IGF1R: variants seen among roughly 807,000 people sequenced by gnomAD.
IGF1R encodes the protein insulin-like growth factor 1 receptor.
IGF1R carries 44 observed loss-of-function variants against 144.6 expected under a neutral mutation model. The ratio of observed to expected loss-of-function variants is 0.30; its 90% CI spans 0.24 to 0.39. The LOEUF (loss-of-function observed/expected upper bound fraction) is 0.39, where lower values mean the gene tolerates loss of function less well. Ranked by LOEUF, IGF1R falls within the 10% of genes least tolerant of loss-of-function variation. The probability of loss-of-function intolerance (pLI) is 1.00; values close to 1 mark genes in which losing one functional copy is unlikely to be tolerated. For missense variants in IGF1R, 1,355 were observed against 1,833.7 expected, an observed-to-expected ratio of 0.74 and a Z score of 4.77; for synonymous variants, 795 against 722.8, an observed-to-expected ratio of 1.10 and a Z score of -1.60.
intron 1 of IGF1R, among the ~76,000 whole-genome samples, chr15:98,690,511 C>A (rs551905944): frequency 6.6e-6 from 1 of 152,172 alleles, no homozygotes; most frequent in African/African-American, 2.4e-5. Context: ...TCTTAGCCAT[C>A]GTTTAAACAC....
chr15:98,876,465 C>T (rs976172990), intron 2 of IGF1R, among the ~76,000 whole-genome samples: 1 of 152,080 alleles, frequency 6.6e-6, no homozygotes, highest in Non-Finnish European at 1.5e-5. Flanking sequence ...GGGGTTTTAG[C>T]ACTTCTAATG....
chr15:98,928,689 C>T (rs1237837042), intron 13 of IGF1R, among the ~76,000 whole-genome samples: 1 of 152,152 alleles, frequency 6.6e-6, no homozygotes, highest in African/African-American at 2.4e-5. Context: ...GAATTGTTGC[C>T]ATATGTGAAG....
In IGF1R at chr15:98,961,791, A is replaced by G. The variant is rs916734581; in HGVS notation, c.*4349A>G. On this transcript the variant is annotated 3_prime_UTR_variant, in exon 21 of 21. Transcript: ENST00000650285. The stretch of plus-strand genomic sequence containing the variant: ...CCTTCGTGGGATGTCATGACGTTTG[A>G]CATACCTTTGGAACGAGCCTCCTCC... 8.6e-6 allele frequency: 2 copies of G among 233,260 alleles called. No individual in the cohort carries two copies. Among genetic ancestry groups the G allele is most frequent in the Admixed American group, 5.6e-5 (1 of 17,774 alleles). 14.4% of individuals were successfully genotyped at this position (233,260 alleles called of 1,614,324 possible).
intron 2 of IGF1R, among the ~76,000 whole-genome samples, chr15:98,845,871 T>G (rs2011309711): frequency 6.6e-6 from 1 of 152,186 alleles, no homozygotes; most frequent in South Asian, 2.1e-4. Context: ...GTGCCCTAAC[T>G]AAAATTTTTG....
chr15:98,749,647 G>T (rs1158317777), intron 2 of IGF1R, among the ~76,000 whole-genome samples: 1 of 152,202 alleles, frequency 6.6e-6, no homozygotes, highest in Admixed American at 6.5e-5. Flanking sequence ...TACCAGATGA[G>T]CTGACATTGT....
At chr15:98,695,959 G>A (rs1018285371) in intron 1 of IGF1R, among the ~76,000 whole-genome samples, 2 of 148,056 alleles carry the variant, frequency 1.4e-5, no homozygotes, top group African/African-American at 5.3e-5. Context: ...CCAGTTTTCA[G>A]GGTCTCTCCC....
At chr15:98,710,302 A>T (rs754609133) in intron 2 of IGF1R, among the ~76,000 whole-genome samples, 3 of 152,132 alleles carry the variant, frequency 2.0e-5, no homozygotes, top group Non-Finnish European at 4.4e-5. Context: ...CTTTCCGGGA[A>T]ATTGACTTCC....
chr15:98,677,083 C>T (rs1286194487), intron 1 of IGF1R, among the ~76,000 whole-genome samples: 3 of 151,964 alleles, frequency 2.0e-5, no homozygotes, highest in Non-Finnish European at 4.4e-5. Context: ...TACTGGTATG[C>T]GCCACCATGC....
chr15:98,753,100 T>G, intron 2 of IGF1R, among the ~76,000 whole-genome samples: 1 of 151,012 alleles, frequency 6.6e-6, no homozygotes, highest in South Asian at 2.1e-4. Context: ...CACACCTAAT[T>G]TGTTTGTGTA....
chr15:98,912,432 T>A (rs765864648), intron 7 of IGF1R, among the ~76,000 whole-genome samples: 2 of 152,238 alleles, frequency 1.3e-5, no homozygotes, highest in African/African-American at 2.4e-5. Context: ...CCCTTTTAGC[T>A]GATAAATATA....
intron 2 of IGF1R, among the ~76,000 whole-genome samples, chr15:98,851,332 C>A (rs912272001): frequency 2.0e-5 from 3 of 152,198 alleles, no homozygotes; most frequent in African/African-American, 7.2e-5. Context: ...AGTTTGCACC[C>A]TGTTGCTTCC....
chr15:98,860,025 C>T (rs2012061007), intron 2 of IGF1R, among the ~76,000 whole-genome samples: 1 of 152,156 alleles, frequency 6.6e-6, no homozygotes, highest in South Asian at 2.1e-4. Flanking sequence ...AAGCAATTCT[C>T]CTGCCTCAGC....
In IGF1R at chr15:98,961,962, C is replaced by T. The variant is rs769525458; in HGVS notation, c.*4520C>T. On this transcript the variant is annotated 3_prime_UTR_variant, in exon 21 of 21. Transcript: ENST00000650285. The stretch of plus-strand genomic sequence containing the variant: ...TGGAACTACCAAATGGCGAGATGCT[C>T]GGTGCACATTGGGGTGCTTTGGGAT... 9.0e-5 allele frequency: 21 copies of T among 233,284 alleles called. No homozygotes were observed. The highest frequency in any genetic ancestry group is 1.2e-4 in the Non-Finnish European group (14 of 118,062). The allele number at this position is 233,284 out of a possible 1,614,324, so 14.5% of individuals were successfully genotyped here.
intron 2 of IGF1R, among the ~76,000 whole-genome samples, chr15:98,870,889 A>G (rs1162775137): frequency 6.6e-6 from 1 of 152,224 alleles, no homozygotes; most frequent in Non-Finnish European, 1.5e-5. Context: ...GAATGTTCCC[A>G]TGGCACTGGC....
At chr15:98,697,348 A>G (rs1234935572) in intron 1 of IGF1R, among the ~76,000 whole-genome samples, 2 of 152,196 alleles carry the variant, frequency 1.3e-5, no homozygotes, top group African/African-American at 4.8e-5. Flanking sequence ...TGCCCACTCA[A>G]TACAGAGGTT....
intron 2 of IGF1R, among the ~76,000 whole-genome samples, chr15:98,730,800 A>C (rs749848330): frequency 1.3e-5 from 2 of 152,232 alleles, no homozygotes; most frequent in Admixed American, 6.5e-5. Flanking sequence ...TAACAAAAAT[A>C]ATGGCAAACT....
chr15:98,761,205 G>A (rs538889735), intron 2 of IGF1R, among the ~76,000 whole-genome samples: 2 of 152,320 alleles, frequency 1.3e-5, no homozygotes, highest in South Asian at 2.1e-4. Context: ...GAGCACCTGG[G>A]TATGTGCACA....
At chr15:98,912,404 C>T (rs1182030218) in intron 7 of IGF1R, among the ~76,000 whole-genome samples, 33 of 152,202 alleles carry the variant, frequency 2.2e-4, no homozygotes, top group Non-Finnish European at 1.5e-5. Context: ...CAGAAGCCAG[C>T]GGCCAGCAGC....
chr15:98,665,059 G>A (rs1018397996), intron 1 of IGF1R, among the ~76,000 whole-genome samples: 3 of 150,384 alleles, frequency 2.0e-5, no homozygotes, highest in South Asian at 2.1e-4. Flanking sequence ...CCGGGTTCAC[G>A]CCATTCTCCT....
Sources: allele counts gnomAD v4.1 joint callset (sites outside exome capture counted in the v4.1 genomes callset), GRCh38; gene constraint gnomAD v4.1.1; transcripts MANE v1.5; gene names NCBI Gene and HGNC (gene_info 2026-07-23, HGNC 2026-07-21).